The following PPFIBP2 variants were observed in gnomAD, a reference collection of about 807,000 sequenced individuals.
PPFIBP2 encodes PPFIB scaffold protein 2.
PPFIBP2 carries 118 observed loss-of-function variants against 118.3 expected under a neutral mutation model. The observed-to-expected ratio is 1.00, with a 90% CI of 0.86 to 1.16. The LOEUF is 1.16. Among genes scored for constraint, PPFIBP2 ranks in the 50% most tolerant of loss-of-function variants. PPFIBP2 has a pLI of 0.00. For synonymous variants in PPFIBP2, 414 were observed against 397.4 expected (o/e 1.04, Z -0.50); for missense variants, 1,195 against 1,073.1 (o/e 1.11, Z -1.59).
chr11:7,529,730 C>G (rs916183573), intron 1 of PPFIBP2, among the ~76,000 whole-genome samples: 8 of 152,260 alleles, frequency 5.3e-5, no homozygotes, highest in African/African-American at 1.9e-4. Context: ...TGTCAGGTAC[C>G]TGCCCCTGGG....
intron 6 of PPFIBP2, 72 bp from the exon 7 acceptor site, chr11:7,620,863 C>T (rs973723907): frequency 1.2e-5 from 13 of 1,120,908 alleles, no homozygotes; most frequent in Admixed American, 1.7e-5. Flanking sequence ...TATGCATGAG[C>T]TTAACCAGGT....
intron 4 of PPFIBP2, chr11:7,597,182 C>A (rs374655137): frequency 1.4e-6 from 2 of 1,469,862 alleles, no homozygotes; most frequent in African/African-American, 1.4e-5. Flanking sequence ...CTCTTCCACA[C>A]GAGGTTGCAG....
chr11:7,662,537 C>A, the PPFIBP2 span, among the ~76,000 whole-genome samples: 4 of 151,226 alleles, frequency 2.6e-5, no homozygotes, highest in Non-Finnish European at 5.9e-5. Flanking sequence ...TGATGGGCTT[C>A]CCTTTGAGGG....
chr11:7,623,574 A>G (rs888397358), intron 7 of PPFIBP2, among the ~76,000 whole-genome samples: 2 of 152,210 alleles, frequency 1.3e-5, no homozygotes, highest in East Asian at 1.9e-4. Flanking sequence ...GGTCCATGGT[A>G]TATACCTACA....
chr11:7,624,612 CT>C (rs1310311796), intron 7 of PPFIBP2, among the ~76,000 whole-genome samples: 26 of 152,222 alleles, frequency 1.7e-4, no homozygotes, highest in African/African-American at 6.0e-4. Context: ...GAAGCCTTTG[CT>C]GTCTTTTATT....
chr11:7,536,322 G>T (rs531207487), intron 1 of PPFIBP2, among the ~76,000 whole-genome samples: 1 of 152,200 alleles, frequency 6.6e-6, no homozygotes, highest in African/African-American at 2.4e-5. Context: ...ACCACTGGGG[G>T]TGTCAGAGAG....
intron 3 of PPFIBP2, among the ~76,000 whole-genome samples, chr11:7,584,152 C>T (rs1857697165): frequency 6.6e-6 from 1 of 152,218 alleles, no homozygotes; most frequent in African/African-American, 2.4e-5. Context: ...AGGGCAGGGA[C>T]TAAATCATTG....
At chr11:7,661,856 G>A (rs60864778), downstream of PPFIBP2, among the ~76,000 whole-genome samples, 6,816 of 97,474 alleles carry the variant, frequency 0.07, 307 homozygotes, top group Middle Eastern at 0.13. Flanking sequence ...ATATATTTAG[G>A]ATAGTTAGCT....
chr11:7,610,923 T>C (rs1847996046), intron 6 of PPFIBP2, among the ~76,000 whole-genome samples: 4 of 152,220 alleles, frequency 2.6e-5, no homozygotes. Context: ...TCTTAGAGAA[T>C]GTTTTCCTAA....
intron 3 of PPFIBP2, among the ~76,000 whole-genome samples, chr11:7,586,358 G>A (rs757592160): frequency 3.3e-5 from 5 of 152,166 alleles, no homozygotes; most frequent in African/African-American, 9.7e-5. Context: ...CTGAATGTTG[G>A]TCTTTTAGAT....
chr11:7,622,731 T>C (rs10839823), intron 7 of PPFIBP2, among the ~76,000 whole-genome samples: 58,487 of 152,054 alleles, frequency 0.38, 13,894 homozygotes, highest in Non-Finnish European at 0.52. Context: ...TTTGTATGTG[T>C]ATGCTTCACA....
intron 5 of PPFIBP2, among the ~76,000 whole-genome samples, chr11:7,602,037 G>GAGCCA (rs753629590): frequency 5.7e-5 from 8 of 140,764 alleles, no homozygotes; most frequent in East Asian, 4.2e-4. Context: ...AGGTTGCAGT[G>GAGCCA]AGCCAAGATC....
At chr11:7,611,697 A>G (rs7120141) in intron 6 of PPFIBP2, among the ~76,000 whole-genome samples, 2,291 of 152,292 alleles carry the variant, frequency 0.015, 62 homozygotes, top group African/African-American at 0.051. Context: ...AATACTTCCA[A>G]TTTCTTTGGT....
chr11:7,557,865 T>C (rs1853820031), intron 2 of PPFIBP2, among the ~76,000 whole-genome samples: 1 of 152,172 alleles, frequency 6.6e-6, no homozygotes, highest in Non-Finnish European at 1.5e-5. Context: ...GACCCCTCTT[T>C]TAAGTGGCAA....
intron 3 of PPFIBP2, among the ~76,000 whole-genome samples, chr11:7,591,166 C>T (rs1859214863): frequency 6.6e-6 from 1 of 152,008 alleles, no homozygotes; most frequent in Non-Finnish European, 1.5e-5. Context: ...ATGGGTAGAC[C>T]TTTTATTATA....
At chr11:7,547,289 C>G (rs79359192) in intron 1 of PPFIBP2, among the ~76,000 whole-genome samples, 180 of 152,156 alleles carry the variant, frequency 1.2e-3, no homozygotes, top group African/African-American at 4.2e-3. Context: ...AGGCGTATTG[C>G]AGAGGAGGGA....
intron 6 of PPFIBP2, among the ~76,000 whole-genome samples, chr11:7,617,653 G>C (rs1848822570): frequency 1.3e-5 from 2 of 152,030 alleles, no homozygotes; most frequent in South Asian, 4.1e-4. Context: ...TCCCAGGCTG[G>C]GAGATTAAAC....
intron 3 of PPFIBP2, among the ~76,000 whole-genome samples, chr11:7,587,563 G>A (rs1230196572): frequency 2.6e-5 from 4 of 152,232 alleles, no homozygotes; most frequent in African/African-American, 9.6e-5. Context: ...ATATATCTCT[G>A]CCTTTAGGCA....
intron 7 of PPFIBP2, 102 bp from the exon 8 acceptor site, chr11:7,625,675 A>T (rs1198925521): frequency 2.3e-6 from 2 of 869,294 alleles, no homozygotes; most frequent in Non-Finnish European, 3.8e-6. Context: ...CTAACTCCTG[A>T]TGCACCCTGG....
Sources: gnomAD v4.1 joint callset for allele counts (sites outside exome capture counted in the v4.1 genomes callset) on GRCh38, gnomAD v4.1.1 for gene constraint, MANE v1.5 for transcripts, NCBI Gene and HGNC (gene_info 2026-07-23, HGNC 2026-07-21) for gene names.